Variants in DNAH3 observed in about 807,000 individuals in gnomAD.
DNAH3 encodes the protein dynein axonemal heavy chain 3.
Under a neutral mutation model 432.5 loss-of-function variants are expected in DNAH3, and 332 were observed. The observed-to-expected ratio is 0.77, with a 90% CI of 0.70 to 0.84. The LOEUF (loss-of-function observed/expected upper bound fraction) is 0.84, where lower values mean the gene tolerates loss of function less well. Ranked by LOEUF, DNAH3 falls within the 40% of genes least tolerant of loss-of-function variation. The pLI is 0.00. For synonymous variants in DNAH3, 1,956 were observed against 1,900.2 expected (o/e 1.03, Z -0.76); for missense variants, 4,861 against 5,114.0 (o/e 0.95, Z 1.51).
chr16:21,081,516 G>A (rs1597334556), intron 20 of DNAH3, 120 bp downstream of exon 20: 1 of 711,774 alleles, frequency 1.4e-6, no homozygotes. Flanking sequence ...ATAGCCTTAA[G>A]CCACCCTACG....
chr16:21,137,624 T>C (rs1404776611), intron 5 of DNAH3, among the ~76,000 whole-genome samples: 3 of 151,974 alleles, frequency 2.0e-5, no homozygotes, highest in Non-Finnish European at 2.9e-5. Context: ...GGTTTCACCA[T>C]GTTGGCCAGG....
At chr16:21,050,723 C>T (rs1295671756) in intron 29 of DNAH3, among the ~76,000 whole-genome samples, 2 of 152,166 alleles carry the variant, frequency 1.3e-5, no homozygotes, top group African/African-American at 4.8e-5. Flanking sequence ...AGACTACAGG[C>T]GTGAGCCACC....
At chr16:21,011,082 G>T (rs1433319790) in intron 41 of DNAH3, among the ~76,000 whole-genome samples, 2 of 152,006 alleles carry the variant, frequency 1.3e-5, no homozygotes, top group African/African-American at 4.8e-5. Flanking sequence ...TATTATAAGG[G>T]AAAATTATCT....
chr16:21,093,850 T>C (rs959025310), intron 18 of DNAH3, among the ~76,000 whole-genome samples: 5 of 152,182 alleles, frequency 3.3e-5, no homozygotes, highest in Admixed American at 2.0e-4. Flanking sequence ...CTGGAACCAT[T>C]GGACATTTAT....
rs73535711 is a variant in DNAH3, at chr16:21,156,584, C to A, written c.117+2741G>T. Among the ~76,000 whole-genome samples, 125 of 152,282 alleles carry A rather than the reference C, an allele frequency of 8.2e-4. 1 individual carries two copies. Among genetic ancestry groups the A allele is most frequent in the African/African-American group, 2.3e-3 (96 of 41,558 alleles). ...GGGCTTCACCTTCATGACCTAATCA[C>A]CTCCCAAAAACCCCATGCCTAATCC... On this transcript the variant is annotated intron_variant, in intron 1 of 61. Transcript: ENST00000261383.
At chr16:21,067,105 T>C (rs539165818) in intron 24 of DNAH3, among the ~76,000 whole-genome samples, 178 bp downstream of exon 24, 1 of 152,320 alleles carries the variant, frequency 6.6e-6, no homozygotes, top group East Asian at 1.9e-4. Flanking sequence ...CCATTCAACC[T>C]CACGCTAAGT....
chr16:21,020,811 G>A (rs2088175457), intron 40 of DNAH3, among the ~76,000 whole-genome samples: 2 of 152,008 alleles, frequency 1.3e-5, no homozygotes, highest in East Asian at 1.9e-4. Flanking sequence ...ATTGCTGTGC[G>A]ACCATCACCA....
rs770139579 is a variant in DNAH3 at position 21,106,465 on chromosome 16, T to C, written c.2284+25A>G. On this transcript the variant is annotated intron_variant, in intron 15 of 61. Transcript: ENST00000261383. ...ATATACATATAGGTATGCATTTCGATGGTCACACATGGCATTGGACTTACA... is the reference window on the plus strand; with the variant it reads ...ATATACATATAGGTATGCATTTCGACGGTCACACATGGCATTGGACTTACA... 38 of 1,537,498 alleles carry C rather than the reference T, an allele frequency of 2.5e-5. No homozygotes were observed. In the Admixed American group the frequency reaches 5.8e-4, roughly 24 times the overall value.
At chr16:21,136,129 C>T (rs1311814952) in intron 6 of DNAH3, among the ~76,000 whole-genome samples, 195 bp downstream of exon 7, 1 of 151,988 alleles carries the variant, frequency 6.6e-6, no homozygotes, top group African/African-American at 2.4e-5. Context: ...AAGATGCCTT[C>T]CAGGCCAGGC....
At chr16:20,963,954 G>T in exon 53 of DNAH3, 1 of 1,614,078 alleles carries the variant, frequency 6.2e-7, no homozygotes, top group Non-Finnish European at 8.5e-7. Context: ...TGTTGGCCAG[G>T]TCCGAGATAC....
rs774138675 is a variant in DNAH3, at chr16:20,948,600, T to C, written c.11226A>G (p.Lys3742=). The C allele has an allele frequency of 5.0e-6, 8 of 1,614,036 alleles. No homozygotes were observed. The African/African-American group carries it at 1.1e-4, about 22-fold the overall frequency. Reference sequence around the variant, plus strand: ...GAAGTGACAGCAGGAGACGCCGGTCTTTGTCATCAGTCACTCTGCCTCCGT... The same window carrying C: ...GAAGTGACAGCAGGAGACGCCGGTCCTTGTCATCAGTCACTCTGCCTCCGT... Residue 3742 remains lysine, a synonymous_variant, in exon 57 of 62, where the codon AAA becomes AAG. Coordinates refer to ENST00000261383, the Ensembl canonical transcript of DNAH3.
chr16:20,995,143 G>A (rs1390609764), intron 44 of DNAH3, among the ~76,000 whole-genome samples: 1 of 151,988 alleles, frequency 6.6e-6, no homozygotes. Context: ...ATGGTGTTTC[G>A]CCAAGTTGCC....
In DNAH3 at chr16:21,119,222, G is replaced by C. The variant is rs73548245; in HGVS notation, c.1699+1518C>G. Among the ~76,000 whole-genome samples, 313 of 152,314 alleles carry C rather than the reference G, an allele frequency of 2.1e-3. 1 individual carries two copies. Among genetic ancestry groups the C allele is most frequent in the African/African-American group, 7.1e-3 (295 of 41,568 alleles). On this transcript the variant is annotated intron_variant, in intron 11 of 61. Coordinates refer to ENST00000261383, the Ensembl canonical transcript of DNAH3. ...CAGATCACAAGTGGGCAGGATAATGGATCGTCTCATGGGAAGAAGTCTTCA... is the reference window on the plus strand; with the variant it reads ...CAGATCACAAGTGGGCAGGATAATGCATCGTCTCATGGGAAGAAGTCTTCA...
At chr16:21,146,167 G>A in intron 1 of DNAH3, 79 bp from the exon 3 acceptor site, 2 of 917,540 alleles carry the variant, frequency 2.2e-6, no homozygotes, top group South Asian at 2.8e-5. Flanking sequence ...GGACTAAAGA[G>A]GTCCCCAGGA....
At chr16:21,038,275 AG>A (rs2089269625) in intron 33 of DNAH3, among the ~76,000 whole-genome samples, 3 of 152,316 alleles carry the variant, frequency 2.0e-5, no homozygotes, top group East Asian at 3.9e-4. Flanking sequence ...CTGAGGCAGG[AG>A]GATCGCTTGA....
chr16:21,025,324 A>C (rs772274538), intron 38 of DNAH3, among the ~76,000 whole-genome samples: 2 of 149,212 alleles, frequency 1.3e-5, no homozygotes, highest in Non-Finnish European at 3.0e-5. Flanking sequence ...TTTTGATCTT[A>C]CTTTTATTAT....
chr16:20,971,315 C>A (rs2085332562), intron 51 of DNAH3, among the ~76,000 whole-genome samples: 1 of 152,068 alleles, frequency 6.6e-6, no homozygotes, highest in Non-Finnish European at 1.5e-5. Context: ...ATATGGATTT[C>A]ATTTGCATTC....
rs1206919040 is a variant in DNAH3 at position 21,049,508 on chromosome 16, G to A, written c.4461+61C>T. ...AGGCCCTGTTATTAAGGGGTGCAGA[G>A]CCAAGAAAAAAGCCCCTCCATGCAC... On this transcript the variant is annotated intron_variant, in intron 31 of 61. Transcript: ENST00000261383. 5.8e-6 allele frequency: 8 copies of A among 1,383,000 alleles called. No individual in the cohort carries two copies. The Admixed American group carries it at 1.4e-4, about 24-fold the overall frequency. The allele number at this position is 1,383,000 out of a possible 1,614,324, so 85.7% of individuals were successfully genotyped here. A position where few individuals can be genotyped will look rare whatever the true frequency, so the allele number is the denominator to read the frequency against.
At chr16:20,962,435 A>G (rs1000092426) in intron 53 of DNAH3, among the ~76,000 whole-genome samples, 4 of 152,180 alleles carry the variant, frequency 2.6e-5, no homozygotes, top group Non-Finnish European at 4.4e-5. Context: ...TGTGCAGCCA[A>G]GATTGAGAAC....
Sources: gnomAD v4.1 joint callset for allele counts (sites outside exome capture counted in the v4.1 genomes callset) on GRCh38, gnomAD v4.1.1 for gene constraint, MANE v1.5 for transcripts, NCBI Gene and HGNC (gene_info 2026-07-23, HGNC 2026-07-21) for gene names.